Variants in POLR1C observed in about 807,000 individuals in gnomAD.
POLR1C encodes RNA polymerase I and III subunit C.
POLR1C carries 42 observed loss-of-function variants against 38.3 expected under a neutral mutation model. That is an observed-to-expected ratio of 1.10 (90% CI 0.86 to 1.42). POLR1C has a LOEUF of 1.42. Among genes scored for constraint, POLR1C ranks in the 40% most tolerant of loss-of-function variants. The pLI is 0.00. For synonymous variants in POLR1C, 163 were observed against 163.9 expected, an observed-to-expected ratio of 0.99 and a Z score of 0.04; for missense variants, 507 against 450.5, an observed-to-expected ratio of 1.13 and a Z score of -1.14.
downstream of POLR1C, chr6:43,522,496 C>A: frequency 4.9e-6 from 1 of 205,076 alleles, no homozygotes; most frequent in Non-Finnish European, 1.1e-5. Context: ...ACAGCCCCAA[C>A]CAGACAGGAA....
downstream of POLR1C, among the ~76,000 whole-genome samples, chr6:43,531,072 T>G (rs572637335): frequency 2.0e-5 from 3 of 152,208 alleles, no homozygotes; most frequent in Admixed American, 6.5e-5. Context: ...CTTGGCTGAT[T>G]AGTGTAGTGG....
intron 10 of POLR1C, chr6:43,560,104 C>A: frequency 1.3e-6 from 2 of 1,524,846 alleles, no homozygotes; most frequent in Admixed American, 1.9e-5. Context: ...TAGGCGTGAG[C>A]CACCGCACCC....
chr6:43,556,126 C>T (rs569069422), intron 10 of POLR1C: 32 of 938,726 alleles, frequency 3.4e-5, no homozygotes, highest in South Asian at 4.3e-5. Context: ...ACTTTATTAA[C>T]GAATCCAGAA....
chr6:43,523,813 A>G, downstream of POLR1C: 1 of 1,613,652 alleles, frequency 6.2e-7, no homozygotes, highest in Non-Finnish European at 8.5e-7. Context: ...GATCGGCTAC[A>G]AAGGGAAAGA....
intron 9 of POLR1C, chr6:43,548,229 T>C (rs748200431): frequency 2.6e-6 from 4 of 1,546,908 alleles, no homozygotes; most frequent in Non-Finnish European, 2.6e-6. Context: ...TGCTTGAGTA[T>C]AGTAAGAGTC....
rs370740144 is a variant in POLR1C, at chr6:43,553,440, T to G, written c.*48+2429T>G. The G allele has an allele frequency of 1.9e-6, 3 of 1,597,784 alleles. No homozygotes were observed. The highest frequency in any genetic ancestry group is 2.6e-6 in the Non-Finnish European group (3 of 1,171,908). ...CAAAAAAAGAGTCATGGCTTCCCAC[T>G]GCACGAATGAAGGTGAGAAGACGGA... is the stretch of plus-strand genomic sequence containing the variant. On this transcript the variant is annotated intron_variant, in intron 10 of 10. Transcript: ENST00000607635.
At chr6:43,559,679 T>C (rs1582236536) in intron 10 of POLR1C, among the ~76,000 whole-genome samples, 2 of 152,170 alleles carry the variant, frequency 1.3e-5, no homozygotes, top group African/African-American at 2.4e-5. Context: ...CCAATACTTA[T>C]GATATATTAA....
chr6:43,519,468 G>C (rs1793023855), intron 3 of POLR1C, 28 bp downstream of exon 3: 2 of 1,536,108 alleles, frequency 1.3e-6, no homozygotes, highest in South Asian at 2.2e-5. Flanking sequence ...GACAAGGCTG[G>C]AGTTGCTTTG....
At chr6:43,527,539 C>T (rs1055780484) in intron 8 of POLR1C, 25 of 1,256,674 alleles carry the variant, frequency 2.0e-5, no homozygotes, top group Middle Eastern at 1.9e-4. Context: ...AAACATGAAT[C>T]CTTTGCATTA....
At chr6:43,551,310 C>T (rs750405741) in intron 10 of POLR1C, 1 of 1,611,720 alleles carries the variant, frequency 6.2e-7, no homozygotes, top group African/African-American at 1.3e-5. Context: ...TAGAGAAGAC[C>T]TGGGGCAGGA....
At chr6:43,530,623 C>T (rs1245088736), downstream of POLR1C, 2 of 1,562,468 alleles carry the variant, frequency 1.3e-6, no homozygotes, top group East Asian at 4.5e-5. Flanking sequence ...GTTGCTGTGA[C>T]CTGTTTTGTT....
At chr6:43,526,011 G>A (rs778342832), downstream of POLR1C, 323 of 1,461,728 alleles carry the variant, frequency 2.2e-4, no homozygotes, top group Non-Finnish European at 2.9e-4. Context: ...ACAAAGCAAA[G>A]CTGAGTGTTC....
intron 10 of POLR1C, chr6:43,558,710 T>C (rs1036880152): frequency 6.9e-6 from 5 of 721,572 alleles, no homozygotes; most frequent in African/African-American, 5.4e-5. Flanking sequence ...GCATGAGATA[T>C]TGTATGGTAA....
intron 4 of POLR1C, 110 bp from the exon 5 acceptor site, chr6:43,519,956 G>A (rs1793052614): frequency 1.3e-6 from 2 of 1,542,356 alleles, no homozygotes; most frequent in Admixed American, 1.9e-5. Flanking sequence ...GAGAACACTT[G>A]CCTTGTCTCC....
chr6:43,537,138 A>C (rs768922038), intron 9 of POLR1C, among the ~76,000 whole-genome samples: 1 of 135,094 alleles, frequency 7.4e-6, no homozygotes, highest in Admixed American at 7.6e-5. Flanking sequence ...GAATAATTAA[A>C]ACTTTTTTTT....
In POLR1C at chr6:43,519,798, C is replaced by T. The variant is rs1462281923; in HGVS notation, c.342C>T (p.Pro114=). 1.9e-6 allele frequency: 3 copies of T among 1,614,160 alleles called. No homozygotes were observed. The highest frequency in any genetic ancestry group is 2.5e-6 in the Non-Finnish European group (3 of 1,180,018). The change falls in exon 4 of 9, where the codon CCC becomes CCT. Residue 114 remains proline (P), a synonymous_variant. Transcript: ENST00000642195. ...TTGCTCACCGTCTGGGGCTCATTCCCATTCATGCTGATCCCCGTCTTTTTG... is the reference window on the plus strand; with the variant it reads ...TTGCTCACCGTCTGGGGCTCATTCCTATTCATGCTGATCCCCGTCTTTTTG... The part of the protein sequence containing the change: ...EILAHRLGLI[P]IHADPRLFEY...
At position 43,553,526 on chromosome 6, in the gene POLR1C, T is replaced by TACACACAC. The variant is rs111634867; in HGVS notation, c.*48+2531_*48+2538dup. The TACACACAC allele has an allele frequency of 1.3e-3, 1,875 of 1,448,014 alleles. 13 individuals are homozygous for TACACACAC. In the African/African-American group the frequency reaches 0.025, roughly 19 times the overall value. The allele number at this position is 1,448,014 out of a possible 1,614,324, so 89.7% of individuals were successfully genotyped here. On this transcript the variant is annotated intron_variant, in intron 10 of 10. Transcript: ENST00000607635. The stretch of plus-strand genomic sequence containing the variant: ...AAGCTTTAAAACACACACACACACA[T>TACACACAC]ACACACACACACACACACACACAAT...
intron 2 of POLR1C, among the ~76,000 whole-genome samples, chr6:43,518,663 G>C (rs1792972125): frequency 6.6e-6 from 1 of 152,140 alleles, no homozygotes; most frequent in Non-Finnish European, 1.5e-5. Flanking sequence ...TCAGAAACCA[G>C]GGGAATAGTT....
chr6:43,560,629 AC>A (rs1211394565), intron 10 of POLR1C, among the ~76,000 whole-genome samples: 1 of 152,218 alleles, frequency 6.6e-6, no homozygotes, highest in Non-Finnish European at 1.5e-5. Flanking sequence ...AATTAATCAG[AC>A]TTTTGTTTCA....
Sources: allele counts gnomAD v4.1 joint callset (sites outside exome capture counted in the v4.1 genomes callset), GRCh38; gene constraint gnomAD v4.1.1; transcripts MANE v1.5; gene names NCBI Gene and HGNC (gene_info 2026-07-23, HGNC 2026-07-21).